GAREM1: variants seen among roughly 807,000 people sequenced by gnomAD.
GAREM1 encodes GRB2-associated and regulator of MAPK protein 1.
A neutral mutation model predicts 71.3 loss-of-function variants in GAREM1; 26 were observed. The ratio of observed to expected loss-of-function variants is 0.36; its 90% CI spans 0.27 to 0.51. GAREM1 has a LOEUF of 0.51. Ranked by LOEUF, GAREM1 falls within the 20% of genes least tolerant of loss-of-function variation. GAREM1 has a pLI of 0.95. For synonymous variants in GAREM1, 440 were observed against 433.2 expected, an observed-to-expected ratio of 1.02 and a Z score of -0.20; for missense variants, 1,026 against 1,103.1, an observed-to-expected ratio of 0.93 and a Z score of 0.99.
chr18:32,410,287 C>T (rs1188236047), intron 1 of GAREM1, among the ~76,000 whole-genome samples: 2 of 152,190 alleles, frequency 1.3e-5, no homozygotes, highest in South Asian at 2.1e-4. Context: ...AGTGTGCCTT[C>T]TCTCAGAAAT....
intron 2 of GAREM1, among the ~76,000 whole-genome samples, chr18:32,369,085 G>A (rs1424289736): frequency 6.6e-6 from 1 of 152,174 alleles, no homozygotes; most frequent in Non-Finnish European, 1.5e-5. Flanking sequence ...CCACACATAA[G>A]TTCTACAGAT....
intron 1 of GAREM1, among the ~76,000 whole-genome samples, chr18:32,401,778 A>G (rs1168056475): frequency 6.6e-6 from 1 of 152,238 alleles, no homozygotes; most frequent in African/African-American, 2.4e-5. Flanking sequence ...AAATTGTTGT[A>G]TCATAAAAAC....
chr18:32,460,576 A>G (rs1003933880), intron 1 of GAREM1, among the ~76,000 whole-genome samples: 1 of 152,188 alleles, frequency 6.6e-6, no homozygotes, highest in African/African-American at 2.4e-5. Flanking sequence ...AAGGAAACTC[A>G]TTGTCTGGGA....
intron 1 of GAREM1, among the ~76,000 whole-genome samples, chr18:32,452,829 G>A (rs963862638): frequency 6.6e-6 from 1 of 150,634 alleles, no homozygotes; most frequent in Non-Finnish European, 1.5e-5. Context: ...CCAGAGAAGG[G>A]GGTTTTATAC....
At chr18:32,289,186 C>A (rs2144472376) in intron 3 of GAREM1, among the ~76,000 whole-genome samples, 2 of 152,266 alleles carry the variant, frequency 1.3e-5, no homozygotes, top group Middle Eastern at 3.4e-3. Context: ...TTAAGGAATC[C>A]TCCCACCTAA....
chr18:32,328,849 TG>T (rs34963108), intron 2 of GAREM1, among the ~76,000 whole-genome samples: 1 of 152,166 alleles, frequency 6.6e-6, no homozygotes, highest in African/African-American at 2.4e-5. Flanking sequence ...AAGGATACTA[TG>T]GGAAAAGTTG....
intron 1 of GAREM1, among the ~76,000 whole-genome samples, chr18:32,428,702 A>G (rs565828283): frequency 6.6e-6 from 1 of 152,318 alleles, no homozygotes; most frequent in African/African-American, 2.4e-5. Flanking sequence ...TAGAAATGCA[A>G]GAACAGACTA....
At chr18:32,336,408 C>A (rs938015036) in intron 2 of GAREM1, among the ~76,000 whole-genome samples, 5 of 126,456 alleles carry the variant, frequency 4.0e-5, no homozygotes, top group Non-Finnish European at 4.7e-5. Flanking sequence ...CCAGCCTGGG[C>A]AACAGAGCGA....
intron 2 of GAREM1, among the ~76,000 whole-genome samples, chr18:32,364,016 A>ATTTTTT (rs1470728742): frequency 2.0e-5 from 1 of 49,138 alleles, no homozygotes; most frequent in African/African-American, 1.2e-4. Context: ...ATATATATAT[A>ATTTTTT]TATATATATA....
Position 32,470,398 on chromosome 18 carries a change from G to C in GAREM1, c.31C>G (p.Leu11Val). 5 of 1,548,910 alleles carry C rather than the reference G, an allele frequency of 3.2e-6. No individual in the cohort carries two copies. The highest frequency in any genetic ancestry group is 4.4e-6 in the Non-Finnish European group (5 of 1,148,052). ...ACCGAGCTCCACTTCACATCCTTGA[G>C]GCTGCAGCCCAGCGAGGGCGCCGGG... MDPAPSLGCS[L>V]KDVKWSSVAV... is the part of the protein sequence containing the mutation. Residue 11 changes from leucine (L) to valine (V), a missense_variant, in exon 1 of 6, where the codon CTC becomes GTC. By Grantham distance (32) the Leu-to-Val change is conservative. This residue lies in a region of GAREM1 where 172 missense variants were observed against 175.2 expected (regional missense o/e 0.98). Coordinates refer to ENST00000269209, the MANE Select transcript of GAREM1 (RefSeq NM_001242409.2). The surrounding 1 kb of genome is among the most constrained non-coding windows in gnomAD (Gnocchi z 4.4).
chr18:32,422,111 G>A (rs564104717), intron 1 of GAREM1, among the ~76,000 whole-genome samples: 2 of 152,020 alleles, frequency 1.3e-5, no homozygotes, highest in East Asian at 1.9e-4. Flanking sequence ...TTAACATTAG[G>A]TATATCTCCT....
At chr18:32,413,919 G>A (rs1353954622) in intron 1 of GAREM1, among the ~76,000 whole-genome samples, 2 of 152,042 alleles carry the variant, frequency 1.3e-5, no homozygotes, top group Non-Finnish European at 2.9e-5. Flanking sequence ...GGGGCAAAAT[G>A]TAACAAAAGA....
chr18:32,433,143 C>T (rs1337079589), intron 1 of GAREM1, among the ~76,000 whole-genome samples: 2 of 150,382 alleles, frequency 1.3e-5, no homozygotes, highest in East Asian at 1.9e-4. Context: ...TAATTAACCA[C>T]ATTAACAGGC....
chr18:32,323,202 C>T (rs1452619004), intron 2 of GAREM1, among the ~76,000 whole-genome samples: 1 of 152,202 alleles, frequency 6.6e-6, no homozygotes, highest in Non-Finnish European at 1.5e-5. Context: ...AACTGCTCTG[C>T]ATTTCTTAAA....
At chr18:32,352,222 A>C (rs774922460) in intron 2 of GAREM1, among the ~76,000 whole-genome samples, 1 of 152,174 alleles carries the variant, frequency 6.6e-6, no homozygotes, top group Non-Finnish European at 1.5e-5. Context: ...TTCCCAGGGA[A>C]ACAAGAATAA....
chr18:32,467,298 T>A (rs2049008963), intron 1 of GAREM1, among the ~76,000 whole-genome samples: 2 of 152,214 alleles, frequency 1.3e-5, no homozygotes, highest in Non-Finnish European at 2.9e-5. Flanking sequence ...AAATATTGAC[T>A]TTCCAGTCCT....
chr18:32,319,981 GAA>G (rs1409939076), intron 2 of GAREM1, among the ~76,000 whole-genome samples: 8 of 152,188 alleles, frequency 5.3e-5, no homozygotes, highest in Admixed American at 5.2e-4. Context: ...TGCTTGTCCT[GAA>G]GGCTTTGAGT....
At chr18:32,278,440 T>C (rs534886172) in intron 4 of GAREM1, among the ~76,000 whole-genome samples, 1 of 152,306 alleles carries the variant, frequency 6.6e-6, no homozygotes, top group South Asian at 2.1e-4. Flanking sequence ...TGTTTCCATA[T>C]TGACAATGAT....
At chr18:32,317,683 T>C (rs2047392711) in intron 2 of GAREM1, among the ~76,000 whole-genome samples, 1 of 150,996 alleles carries the variant, frequency 6.6e-6, no homozygotes, top group South Asian at 2.1e-4. Flanking sequence ...TGAACTTTTA[T>C]TTCGCTGTTG....
Sources: allele counts gnomAD v4.1 joint callset (sites outside exome capture counted in the v4.1 genomes callset), GRCh38; gene constraint gnomAD v4.1.1; regional missense constraint gnomAD v4.1.1; non-coding constraint Gnocchi (gnomAD v3.1); transcripts MANE v1.5; gene names NCBI Gene and HGNC (gene_info 2026-07-23, HGNC 2026-07-21).